Variants in OLFM1 observed in about 807,000 individuals in gnomAD.
The protein encoded by OLFM1 is noelin.
OLFM1 carries 9 observed loss-of-function variants against 49.7 expected under a neutral mutation model. The ratio of observed to expected loss-of-function variants is 0.18; its 90% confidence interval spans 0.11 to 0.32. OLFM1 has a LOEUF of 0.32. Among genes scored for constraint, OLFM1 ranks in the 10% least tolerant of loss-of-function variants. OLFM1 has a pLI of 1.00. For synonymous variants in OLFM1, 240 were observed against 271.8 expected (o/e 0.88, Z 1.15); for missense variants, 369 against 661.8 (o/e 0.56, Z 4.85).
chr9:135,111,870 C>T (rs58617787), intron 5 of OLFM1, among the ~76,000 whole-genome samples: 1,717 of 138,600 alleles, frequency 0.012, 27 homozygotes, highest in African/African-American at 0.041. Flanking sequence ...CCATCACTTC[C>T]GGCTATTTTT....
chr9:135,077,312 G>A, intron 1 of OLFM1: 1 of 1,408,780 alleles, frequency 7.1e-7, no homozygotes, highest in Non-Finnish European at 9.2e-7. Flanking sequence ...CCTGGACATG[G>A]CCGCACCCAA....
At chr9:135,076,703 GC>G in intron 1 of OLFM1, 1 of 1,412,928 alleles carries the variant, frequency 7.1e-7, no homozygotes, top group Non-Finnish European at 9.3e-7. Context: ...GGAGACTCTG[GC>G]CCTTTGGAGT....
rs1051965250 is a variant in OLFM1 at position 135,120,925 on chromosome 9, A to T, written c.*747A>T. On this transcript the variant is annotated 3_prime_UTR_variant, in exon 6 of 6. Transcript: ENST00000371793. ...GTTTTTGTTTCTAAAAAGAAAAAAA[A>T]AATCAGTGTTCACCCTTATAGAGAC... 3 of 152,658 alleles carry T rather than the reference A, an allele frequency of 2.0e-5. No homozygotes were observed. Among genetic ancestry groups the T allele is most frequent in the Non-Finnish European group, 4.4e-5 (3 of 68,058 alleles). 9.5% of individuals were successfully genotyped at this position (152,658 alleles called of 1,614,324 possible).
chr9:135,089,754 A>C (rs572551087), intron 1 of OLFM1, among the ~76,000 whole-genome samples: 2 of 152,142 alleles, frequency 1.3e-5, no homozygotes, highest in African/African-American at 2.4e-5. Flanking sequence ...TGGTGGTGCC[A>C]GCCACCCGTG....
chr9:135,082,957 C>T (rs1009585816), upstream of OLFM1, among the ~76,000 whole-genome samples: 1 of 152,196 alleles, frequency 6.6e-6, no homozygotes, highest in African/African-American at 2.4e-5. Context: ...CTGGCAGCAC[C>T]AAATCCTTGG....
chr9:135,091,645 T>TAGTCACACACACAGTCACACACACTCA (rs1830697299), intron 2 of OLFM1, among the ~76,000 whole-genome samples: 3 of 5,322 alleles, frequency 5.6e-4, no homozygotes, highest in Admixed American at 2.0e-3. Flanking sequence ...TCACACACAC[T>TAGTCACACACACAGTCACACACACTCA]CACATAGTCA....
In OLFM1 at chr9:135,096,615, C is replaced by T. The variant is rs531873591; in HGVS notation, c.456+596C>T. ...TGGAAGCCAGGGGTCTGAGATCCTG[C>T]GCTGCCCGAGCCAAGTCGAATATTA... On this transcript the variant is annotated intron_variant, in intron 3 of 5. Transcript: ENST00000371793. Among the ~76,000 whole-genome samples the T allele has an allele frequency of 3.2e-4, 48 of 152,328 alleles. 1 individual carries two copies. The South Asian group carries it at 7.2e-3, about 23-fold the overall frequency.
Position 135,098,531 on chromosome 9 carries a change from G to A in OLFM1, c.676+26G>A, listed in dbSNP as rs1830829384. ...GTAGGCCCAGTACCCTGCGGGACGT[G>A]GCGCTGCACTGCCCACCTCCGGCAC... is the stretch of plus-strand genomic sequence containing the variant. On this transcript the variant is annotated intron_variant, in intron 4 of 5. Coordinates refer to ENST00000371793, the MANE Select transcript of OLFM1 (RefSeq NM_001282611.2). The surrounding 1 kb of genome is among the most constrained non-coding windows in gnomAD (Gnocchi z 5.6). 1 of 1,588,236 alleles carries A rather than the reference G, an allele frequency of 6.3e-7. No homozygotes were observed. The highest frequency in any genetic ancestry group is 1.3e-5 in the African/African-American group (1 of 74,420).
intron 5 of OLFM1, among the ~76,000 whole-genome samples, chr9:135,118,877 C>T (rs758307509): frequency 6.8e-6 from 1 of 147,564 alleles, no homozygotes; most frequent in Non-Finnish European, 1.5e-5. Flanking sequence ...CTCACTGTGT[C>T]TTTGGAGTGC....
chr9:135,090,711 A>G (rs910047473), intron 2 of OLFM1, among the ~76,000 whole-genome samples: 6 of 151,956 alleles, frequency 3.9e-5, no homozygotes, highest in Non-Finnish European at 8.8e-5. Context: ...TCTCTGAGTG[A>G]TGTCATAATC....
At chr9:135,118,367 A>C (rs1353535466) in intron 5 of OLFM1, among the ~76,000 whole-genome samples, 1 of 136,226 alleles carries the variant, frequency 7.3e-6, no homozygotes, top group Non-Finnish European at 1.6e-5. Context: ...GGAAATGCTC[A>C]CTGGGTCTTT....
intron 4 of OLFM1, among the ~76,000 whole-genome samples, chr9:135,102,321 G>A (rs1017459391): frequency 1.3e-5 from 2 of 152,234 alleles, no homozygotes; most frequent in Non-Finnish European, 2.9e-5. Flanking sequence ...CCGGCCCTGA[G>A]TGGAGCTAGA....
exon 1 of OLFM1, chr9:135,075,779 C>T: frequency 6.2e-7 from 1 of 1,607,138 alleles, no homozygotes; most frequent in African/African-American, 1.4e-5. Context: ...CTTCCTCATC[C>T]TGATGGGCAC....
chr9:135,086,322 T>C (rs1481584177), upstream of OLFM1, among the ~76,000 whole-genome samples: 5 of 152,312 alleles, frequency 3.3e-5, no homozygotes, highest in South Asian at 6.2e-4. Flanking sequence ...GAAAAGCAGA[T>C]CTGAGGGGCT....
intron 1 of OLFM1, chr9:135,076,128 C>T: frequency 6.5e-7 from 1 of 1,548,894 alleles, no homozygotes; most frequent in Non-Finnish European, 8.7e-7. Flanking sequence ...CTGCTATTGT[C>T]ATCTGGAGGG....
At chr9:135,101,722 C>A (rs1390037631) in intron 4 of OLFM1, among the ~76,000 whole-genome samples, 2 of 152,180 alleles carry the variant, frequency 1.3e-5, no homozygotes, top group Non-Finnish European at 2.9e-5. Flanking sequence ...TCCAGGGGAG[C>A]CTGCAGAGTC....
chr9:135,114,464 T>C (rs1275848790), intron 5 of OLFM1, among the ~76,000 whole-genome samples: 1 of 152,092 alleles, frequency 6.6e-6, no homozygotes, highest in African/African-American at 2.4e-5. Flanking sequence ...TAAGGTCCCA[T>C]TTGCAGGTCC....
chr9:135,076,055 A>T, intron 1 of OLFM1: 3 of 1,449,380 alleles, frequency 2.1e-6, no homozygotes, highest in Non-Finnish European at 2.7e-6. Context: ...CCTTTTTCCT[A>T]GGACTCCGCT....
At chr9:135,089,659 A>C (rs1830652993) in intron 1 of OLFM1, among the ~76,000 whole-genome samples, 1 of 152,186 alleles carries the variant, frequency 6.6e-6, no homozygotes, top group Admixed American at 6.5e-5. Flanking sequence ...GGTTCATCAC[A>C]GCTCTGGGCG....
Sources: gnomAD v4.1 joint callset for allele counts (sites outside exome capture counted in the v4.1 genomes callset) on GRCh38, gnomAD v4.1.1 for gene constraint, Gnocchi (gnomAD v3.1) non-coding constraint, MANE v1.5 for transcripts, NCBI Gene and HGNC (gene_info 2026-07-23, HGNC 2026-07-21) for gene names.